The following RSRC1 variants were observed in gnomAD, a reference collection of about 807,000 sequenced individuals.
RSRC1 encodes arginine and serine rich coiled-coil 1, also known as serine/Arginine-related protein 53.
Under a neutral mutation model 49.1 loss-of-function variants are expected in RSRC1, and 39 were observed. The ratio of observed to expected loss-of-function variants is 0.79; its 90% CI spans 0.61 to 1.04. The LOEUF (loss-of-function observed/expected upper bound fraction) is 1.04, where lower values mean the gene tolerates loss of function less well. Among genes scored for constraint, RSRC1 ranks in the 50% least tolerant of loss-of-function variants. The pLI is 0.00. For synonymous variants in RSRC1, 143 were observed against 130.8 expected (o/e 1.09, Z -0.63); for missense variants, 388 against 402.4 (o/e 0.96, Z 0.31).
chr3:158,419,349 A>G (rs1002686865), intron 6 of RSRC1, among the ~76,000 whole-genome samples: 10 of 151,882 alleles, frequency 6.6e-5, no homozygotes, highest in Non-Finnish European at 1.2e-4. Context: ...TAACTCTCAG[A>G]TATGGTCATA....
rs779573510 is a variant in RSRC1 at position 158,137,054 on chromosome 3, C to CT, written c.320+13064dup. Among the ~76,000 whole-genome samples the CT allele has an allele frequency of 1.1e-3, 160 of 152,276 alleles. 1 individual carries two copies. The highest frequency in any genetic ancestry group is 2.4e-3 in the Admixed American group (36 of 15,290). On this transcript the variant is annotated intron_variant, in intron 3 of 9. Transcript: ENST00000611884. ...AAATAAAGAAGCCCAGACCATGAGT[C>CT]TAACCATGTATGCAGTTAATTTTTA...
At chr3:158,292,126 C>T (rs1316826833) in intron 4 of RSRC1, among the ~76,000 whole-genome samples, 2 of 152,152 alleles carry the variant, frequency 1.3e-5, no homozygotes, top group African/African-American at 4.8e-5. Flanking sequence ...TTTAAAATGT[C>T]TGCTTCATAC....
chr3:158,172,704 A>ATG (rs1718945836), intron 3 of RSRC1, among the ~76,000 whole-genome samples: 1 of 152,160 alleles, frequency 6.6e-6, no homozygotes, highest in Admixed American at 6.5e-5. Flanking sequence ...ACATGTCATC[A>ATG]TCTTTTAGGA....
chr3:158,188,896 A>G (rs1720071600), intron 3 of RSRC1, among the ~76,000 whole-genome samples: 1 of 151,076 alleles, frequency 6.6e-6, no homozygotes, highest in Non-Finnish European at 1.5e-5. Flanking sequence ...TCTCTTTGAG[A>G]TGGATGCTTA....
At chr3:158,195,054 A>G (rs1347305479) in intron 3 of RSRC1, among the ~76,000 whole-genome samples, 1 of 152,170 alleles carries the variant, frequency 6.6e-6, no homozygotes, top group African/African-American at 2.4e-5. Context: ...CTAGTTCTAG[A>G]TCCCTGAGGA....
At chr3:158,267,858 CTATTTTTTTT>C (rs1292019158) in intron 4 of RSRC1, among the ~76,000 whole-genome samples, 5 of 91,226 alleles carry the variant, frequency 5.5e-5, no homozygotes, top group African/African-American at 1.6e-4. Context: ...GTTTCCATAT[CTATTTTTTTT>C]TTTTTTTTTT....
At chr3:158,170,356 C>CTG (rs1718807055) in intron 3 of RSRC1, among the ~76,000 whole-genome samples, 2 of 149,838 alleles carry the variant, frequency 1.3e-5, no homozygotes, top group Admixed American at 1.3e-4. Context: ...TCCCTTTTAC[C>CTG]ATTTTTATTG....
At chr3:158,318,845 A>C (rs560070406) in intron 5 of RSRC1, among the ~76,000 whole-genome samples, 51 of 152,178 alleles carry the variant, frequency 3.4e-4, no homozygotes, top group Non-Finnish European at 6.2e-4. Flanking sequence ...TCTTTTTAAG[A>C]AGATTATAGT....
chr3:158,482,092 G>A, intron 7 of RSRC1, among the ~76,000 whole-genome samples: 1 of 151,930 alleles, frequency 6.6e-6, no homozygotes, highest in South Asian at 2.1e-4. Context: ...TTGTTTGAAT[G>A]TACTTGTCTT....
At chr3:158,387,907 C>T (rs1248958940) in intron 6 of RSRC1, among the ~76,000 whole-genome samples, 1 of 152,062 alleles carries the variant, frequency 6.6e-6, no homozygotes, top group Non-Finnish European at 1.5e-5. Context: ...CAGTGACAAA[C>T]GCACACATGC....
chr3:158,201,275 C>G (rs1721031833), intron 3 of RSRC1, among the ~76,000 whole-genome samples: 1 of 152,060 alleles, frequency 6.6e-6, no homozygotes, highest in African/African-American at 2.4e-5. Flanking sequence ...CCTCTGAATA[C>G]TTTCAAGATT....
At chr3:158,217,544 A>G (rs180708469) in intron 4 of RSRC1, among the ~76,000 whole-genome samples, 1 of 151,694 alleles carries the variant, frequency 6.6e-6, no homozygotes, top group Non-Finnish European at 1.5e-5. Flanking sequence ...TCCTCACATT[A>G]AATTAATTAT....
chr3:158,214,390 T>A (rs1478720684), intron 4 of RSRC1, among the ~76,000 whole-genome samples: 1 of 151,866 alleles, frequency 6.6e-6, no homozygotes, highest in Admixed American at 6.6e-5. Flanking sequence ...TTTTTTGGGG[T>A]TCATTGATAT....
intron 5 of RSRC1, among the ~76,000 whole-genome samples, chr3:158,335,331 C>T (rs974043518): frequency 6.6e-6 from 1 of 151,914 alleles, no homozygotes; most frequent in African/African-American, 2.4e-5. Context: ...GAGGGTTTGG[C>T]ATGAGTGAAA....
chr3:158,293,000 G>A (rs1578299074), intron 4 of RSRC1, among the ~76,000 whole-genome samples: 1 of 152,022 alleles, frequency 6.6e-6, no homozygotes, highest in East Asian at 1.9e-4. Flanking sequence ...GTTTTGTGTT[G>A]TATTTATGTA....
At chr3:158,268,684 G>A (rs900952061) in intron 4 of RSRC1, among the ~76,000 whole-genome samples, 14 of 152,110 alleles carry the variant, frequency 9.2e-5, no homozygotes, top group Non-Finnish European at 1.8e-4. Flanking sequence ...TTTTTACCAT[G>A]TTACTTAGTT....
chr3:158,529,065 C>G (rs1712221567), intron 7 of RSRC1, among the ~76,000 whole-genome samples: 1 of 151,264 alleles, frequency 6.6e-6, no homozygotes, highest in South Asian at 2.1e-4. Context: ...CAAAGGTTTT[C>G]TAGATGTGAT....
chr3:158,292,427 A>G (rs1037977401), intron 4 of RSRC1, among the ~76,000 whole-genome samples: 15 of 152,206 alleles, frequency 9.9e-5, no homozygotes, highest in African/African-American at 3.6e-4. Context: ...TGATTAAAAA[A>G]AGACCTGCTG....
chr3:158,470,483 A>G (rs1217071019), intron 7 of RSRC1, among the ~76,000 whole-genome samples: 3 of 151,982 alleles, frequency 2.0e-5, no homozygotes, highest in African/African-American at 7.2e-5. Flanking sequence ...TTCTAAAACC[A>G]TGTTACAAGA....
Sources: gnomAD v4.1 joint callset for allele counts (sites outside exome capture counted in the v4.1 genomes callset) on GRCh38, gnomAD v4.1.1 for gene constraint, MANE v1.5 for transcripts, NCBI Gene and HGNC (gene_info 2026-07-23, HGNC 2026-07-21) for gene names.